The following JARID2 variants were observed in gnomAD, a reference collection of about 807,000 sequenced individuals.
JARID2 encodes protein Jumonji.
Under a neutral mutation model 125.6 loss-of-function variants are expected in JARID2, and 21 were observed. The ratio of observed to expected loss-of-function variants is 0.17; its 90% CI spans 0.12 to 0.24. JARID2 has a LOEUF of 0.24. Ranked by LOEUF, JARID2 falls within the 10% of genes least tolerant of loss-of-function variation. The pLI, the probability that JARID2 is intolerant of heterozygous loss-of-function variation, is 1.00. For missense variants in JARID2, 1,303 were observed against 1,639.6 expected, an observed-to-expected ratio of 0.79 and a Z score of 3.55; for synonymous variants, 736 against 661.6, an observed-to-expected ratio of 1.11 and a Z score of -1.73.
chr6:15,282,281 A>G (rs1278545339), intron 1 of JARID2, among the ~76,000 whole-genome samples: 1 of 150,438 alleles, frequency 6.6e-6, no homozygotes, highest in Non-Finnish European at 1.5e-5. Flanking sequence ...TTTCCTTCCG[A>G]AAACCTTCAG....
At chr6:15,248,073 C>A (rs1759254000) in intron 1 of JARID2, 10 of 985,296 alleles carry the variant, frequency 1.0e-5, no homozygotes, top group African/African-American at 1.7e-5. Context: ...GGTTTTCTTT[C>A]TTATTGCGGG....
chr6:15,472,775 A>T (rs2299038), intron 5 of JARID2, among the ~76,000 whole-genome samples: 100,721 of 152,084 alleles, frequency 0.66, 33,594 homozygotes, highest in East Asian at 0.81. Flanking sequence ...TTCCCTGTTC[A>T]GTCTGTGTTA....
intron 1 of JARID2, among the ~76,000 whole-genome samples, chr6:15,364,770 G>A (rs1763917883): frequency 6.6e-6 from 1 of 152,168 alleles, no homozygotes; most frequent in Non-Finnish European, 1.5e-5. Context: ...ATGCAGATAT[G>A]TCAGTGCTGT....
chr6:15,398,573 TTTG>T (rs1159210453), intron 2 of JARID2, among the ~76,000 whole-genome samples: 2 of 152,212 alleles, frequency 1.3e-5, no homozygotes, highest in Non-Finnish European at 2.9e-5. Flanking sequence ...AACGGAGAGT[TTTG>T]TTAAGTCTCC....
At chr6:15,519,979 CTGCCCTA>C in intron 17 of JARID2, 83 bp from the exon 18 acceptor site, 1 of 1,057,886 alleles carries the variant, frequency 9.5e-7, no homozygotes, top group Non-Finnish European at 1.3e-6. Context: ...CCGCTGCCCT[CTGCCCTA>C]AACTTGCCCC....
chr6:15,496,328 G>A lies in JARID2; in HGVS notation c.1103G>A (p.Ser368Asn), dbSNP rs774611765. 2 of 1,614,200 alleles carry A rather than the reference G, an allele frequency of 1.2e-6. No homozygotes were observed. Among genetic ancestry groups the A allele is most frequent in the East Asian group, 2.2e-5 (1 of 44,884 alleles). ...KDTKPNHHKPSSAVNHTISGK... is the reference protein window; with the variant it reads ...KDTKPNHHKPNSAVNHTISGK... Reference sequence around the variant, plus strand: ...ACCAAACCCAATCACCACAAGCCCAGTTCCGCTGTCAACCACACAATCTCA... The same window carrying A: ...ACCAAACCCAATCACCACAAGCCCAATTCCGCTGTCAACCACACAATCTCA... The change falls in exon 7 of 18, where the codon AGT becomes AAT. Residue 368 changes from serine (S) to asparagine (N), a missense_variant. This residue lies in a region of JARID2 where 651 missense variants were observed against 581.6 expected (regional missense o/e 1.12). Transcript: ENST00000341776.
At chr6:15,256,973 T>G (rs1403712384) in intron 1 of JARID2, among the ~76,000 whole-genome samples, 1 of 152,186 alleles carries the variant, frequency 6.6e-6, no homozygotes, top group Non-Finnish European at 1.5e-5. Context: ...AAAGATAGAC[T>G]TAACTGATCA....
chr6:15,356,928 C>G (rs1763618553), intron 1 of JARID2, among the ~76,000 whole-genome samples: 1 of 134,852 alleles, frequency 7.4e-6, no homozygotes, highest in African/African-American at 2.8e-5. Context: ...TCAGGAGTAT[C>G]ACTTGAGCCC....
chr6:15,375,699 A>G (rs1764326655), intron 2 of JARID2, among the ~76,000 whole-genome samples: 1 of 152,152 alleles, frequency 6.6e-6, no homozygotes, highest in Admixed American at 6.5e-5. Flanking sequence ...TCATTGATTC[A>G]CGTTGAACGT....
chr6:15,501,258 C>T lies in JARID2; in HGVS notation c.2297C>T (p.Pro766Leu). Residue 766 changes from proline (P) to leucine (L), a missense_variant, in exon 8 of 18, where the codon CCC becomes CTC. By Grantham distance (98) the Pro-to-Leu change is moderately conservative (BLOSUM62 -3). Coordinates refer to ENST00000341776, the MANE Select transcript of JARID2 (RefSeq NM_004973.4). ...PKNGLIHGVA[P>L]RNGFRSKLKE... ...AATGGGCTCATCCACGGCGTGGCCC[C>T]CAGGAACGGCTTCCGCAGCAAGCTC... 6.2e-7 allele frequency: 1 copy of T among 1,613,704 alleles called. No individual in the cohort carries two copies. The highest frequency in any genetic ancestry group is 1.1e-5 in the South Asian group (1 of 91,080).
chr6:15,464,297 C>T (rs2299042), intron 4 of JARID2, among the ~76,000 whole-genome samples: 98,905 of 152,094 alleles, frequency 0.65, 32,324 homozygotes, highest in Admixed American at 0.72. Flanking sequence ...TTTACAGCAA[C>T]CACGTGGTGA....
intron 1 of JARID2, chr6:15,247,795 A>T (rs1207381938): frequency 1.1e-5 from 11 of 985,452 alleles, no homozygotes; most frequent in Non-Finnish European, 1.3e-5. Flanking sequence ...AAGGTTAAAT[A>T]ATCAAGCCCA....
chr6:15,265,283 G>T (rs1760038109), intron 1 of JARID2, among the ~76,000 whole-genome samples: 1 of 151,910 alleles, frequency 6.6e-6, no homozygotes, highest in African/African-American at 2.4e-5. Context: ...TGTGCTGTGG[G>T]ACTTGACTAC....
chr6:15,515,952 G>A (rs555972790), intron 16 of JARID2, among the ~76,000 whole-genome samples: 2 of 147,190 alleles, frequency 1.4e-5, no homozygotes, highest in Non-Finnish European at 3.0e-5. Flanking sequence ...GCAGTGAGCC[G>A]AGATCGCGCC....
At chr6:15,307,378 A>G (rs541397634) in intron 1 of JARID2, among the ~76,000 whole-genome samples, 2 of 152,062 alleles carry the variant, frequency 1.3e-5, no homozygotes, top group South Asian at 2.1e-4. Context: ...ATACGGCACC[A>G]TTTTCGGCTA....
chr6:15,425,052 C>CTA (rs1766665210), intron 3 of JARID2, among the ~76,000 whole-genome samples: 1 of 152,174 alleles, frequency 6.6e-6, no homozygotes, highest in South Asian at 2.1e-4. Flanking sequence ...GCACAGAAGA[C>CTA]TATACTTGTC....
At chr6:15,329,191 TGG>T (rs11330465) in intron 1 of JARID2, among the ~76,000 whole-genome samples, 11 of 147,062 alleles carry the variant, frequency 7.5e-5, no homozygotes, top group Admixed American at 2.7e-4. Flanking sequence ...TTTTTTTTTT[TGG>T]GGGATTATTT....
intron 1 of JARID2, chr6:15,368,664 T>C: frequency 2.0e-6 from 1 of 488,236 alleles, no homozygotes; most frequent in Non-Finnish European, 4.1e-6. Context: ...CTTAGTGCCA[T>C]ACCTTTTTGG....
Position 15,481,931 on chromosome 6 carries a change from C to T in JARID2, c.671-5376C>T, listed in dbSNP as rs73724416. Among the ~76,000 whole-genome samples, 697 of 152,318 alleles carry T rather than the reference C, an allele frequency of 4.6e-3. 4 individuals are homozygous for T. Among genetic ancestry groups the T allele is most frequent in the African/African-American group, 0.016 (662 of 41,568 alleles). On this transcript the variant is annotated intron_variant, in intron 5 of 17. Coordinates refer to ENST00000341776, the MANE Select transcript of JARID2 (RefSeq NM_004973.4). ...ATTTCACCTGCCTCCCTCTCGTCTC[C>T]GTTTCCCCTTTCCTATAATCCTGGT...
Sources: allele counts gnomAD v4.1 joint callset (sites outside exome capture counted in the v4.1 genomes callset), GRCh38; gene constraint gnomAD v4.1.1; regional missense constraint gnomAD v4.1.1; transcripts MANE v1.5; gene names NCBI Gene and HGNC (gene_info 2026-07-23, HGNC 2026-07-21).